LIMK1: variants seen among roughly 807,000 people sequenced by gnomAD.
The protein encoded by LIMK1 is LIM motif-containing protein kinase.
Under a neutral mutation model 77.6 loss-of-function variants are expected in LIMK1, and 21 were observed. That is an observed-to-expected ratio of 0.27 (90% CI 0.19 to 0.39). The LOEUF is 0.39. Ranked by LOEUF, LIMK1 falls within the 10% of genes least tolerant of loss-of-function variation. The pLI is 1.00. For missense variants in LIMK1, 696 were observed against 901.6 expected (o/e 0.77, Z 2.92); for synonymous variants, 358 against 370.0 (o/e 0.97, Z 0.37).
In LIMK1 at chr7:74,098,939, T is replaced by C. The variant is rs555430560; in HGVS notation, c.402-93T>C. 29 of 978,650 alleles carry C rather than the reference T, an allele frequency of 3.0e-5. No individual in the cohort carries two copies. In the African/African-American group the frequency reaches 3.7e-4, roughly 12 times the overall value. 60.6% of individuals were successfully genotyped at this position (978,650 alleles called of 1,614,324 possible). A position where few individuals can be genotyped will look rare whatever the true frequency, so the allele number is the denominator to read the frequency against. The stretch of plus-strand genomic sequence containing the variant: ...AAAAAAAAAAAAAAAAAGGAAGGGA[T>C]TGGGGGAAGAGCCTGGGGCTGGGGG... On this transcript the variant is annotated intron_variant, in intron 4 of 15. Coordinates refer to ENST00000336180, the MANE Select transcript of LIMK1 (RefSeq NM_002314.4).
rs782244961 is a variant in LIMK1 at position 74,107,852 on chromosome 7, C to T, written c.1066-19C>T. The T allele has an allele frequency of 3.9e-6, 6 of 1,553,546 alleles. No individual in the cohort carries two copies. The highest frequency in any genetic ancestry group is 5.2e-6 in the Non-Finnish European group (6 of 1,146,762). ...TACAGCAGAGCTTCTGTCTTCACAC[C>T]TCTGTGTCCCACACGCAGGTGACAC... is the stretch of plus-strand genomic sequence containing the variant. On this transcript the variant is annotated intron_variant, in intron 8 of 15. Transcript: ENST00000336180.
intron 2 of LIMK1, among the ~76,000 whole-genome samples, chr7:74,089,753 G>A (rs1554694520): frequency 6.6e-6 from 1 of 152,138 alleles, no homozygotes; most frequent in African/African-American, 2.4e-5. Context: ...GGGAGCCTGA[G>A]TCCAGTTGGA....
chr7:74,111,567 T>C (rs1799699228), intron 10 of LIMK1, 81 bp from the exon 11 acceptor site: 2 of 1,217,480 alleles, frequency 1.6e-6, no homozygotes, highest in East Asian at 5.0e-5. Context: ...CGCTTGCCTC[T>C]TCCTGCCTCT....
chr7:74,094,812 T>C (rs575931742), intron 2 of LIMK1, among the ~76,000 whole-genome samples: 2 of 151,184 alleles, frequency 1.3e-5, no homozygotes, highest in South Asian at 4.2e-4. Flanking sequence ...ACGTGGCGTC[T>C]CCTGCCGCCC....
At chr7:74,109,064 C>G (rs781936409) in intron 10 of LIMK1, 28 bp downstream of exon 10, 2 of 1,573,230 alleles carry the variant, frequency 1.3e-6, no homozygotes. Flanking sequence ...CCAGCCACCC[C>G]CGCTGTGCGG....
intron 2 of LIMK1, among the ~76,000 whole-genome samples, chr7:74,091,700 A>G (rs1799240148): frequency 6.6e-6 from 1 of 152,136 alleles, no homozygotes; most frequent in Admixed American, 6.6e-5. Flanking sequence ...CTAGTGGGCA[A>G]GACACTCAGT....
intron 13 of LIMK1, among the ~76,000 whole-genome samples, chr7:74,116,396 G>C (rs1479464931): frequency 6.6e-6 from 1 of 152,060 alleles, no homozygotes; most frequent in Non-Finnish European, 1.5e-5. Flanking sequence ...CCTGGGTGAC[G>C]AGCGAAACTC....
Position 74,085,828 on chromosome 7 carries a change from C to G in LIMK1, c.136C>G (p.His46Asp). 1 of 1,555,800 alleles carries G rather than the reference C, an allele frequency of 6.4e-7. No homozygotes were observed. Among genetic ancestry groups the G allele is most frequent in the Non-Finnish European group, 8.7e-7 (1 of 1,149,904 alleles). The change falls in exon 2 of 16, where the codon CAC (histidine) becomes GAC (aspartate). Residue 46 changes from histidine to aspartate, a missense_variant. His to Asp is a moderately conservative substitution (Grantham distance 81). This residue lies in a region of LIMK1 where 252 missense variants were observed against 279.4 expected (regional missense o/e 0.90). Transcript: ENST00000336180. ...CCTCCAGGCCCTGAACGCGGACTGG[C>G]ACGCAGACTGCTTCAGGTAGGGTGG... ...QYLQALNADWHADCFRCCDCS... is the reference protein window; with the variant it reads ...QYLQALNADWDADCFRCCDCS...
Position 74,092,760 on chromosome 7 carries a change from G to C in LIMK1, c.153-3862G>C, listed in dbSNP as rs189029470. Among the ~76,000 whole-genome samples the C allele has an allele frequency of 6.0e-3, 913 of 152,272 alleles. 5 individuals are homozygous for C. Among genetic ancestry groups the C allele is most frequent in the Non-Finnish European group, 9.1e-3 (619 of 68,006 alleles). On this transcript the variant is annotated intron_variant, in intron 2 of 15. Coordinates refer to ENST00000336180, the MANE Select transcript of LIMK1 (RefSeq NM_002314.4). ...TGGCCTGTGGGGTTGGAGCAGCGGCGGGATGCAACCTCCCTTTCTTCAGGG... is the reference window on the plus strand; with the variant it reads ...TGGCCTGTGGGGTTGGAGCAGCGGCCGGATGCAACCTCCCTTTCTTCAGGG...
intron 1 of LIMK1, among the ~76,000 whole-genome samples, chr7:74,084,944 C>CT (rs2115603655): frequency 6.6e-6 from 1 of 152,312 alleles, no homozygotes; most frequent in Admixed American, 6.5e-5. Flanking sequence ...TAGCCCCTGC[C>CT]TACCTAAGGT....
intron 6 of LIMK1, 24 bp downstream of exon 6, chr7:74,106,004 A>G (rs1554697412): frequency 1.2e-6 from 2 of 1,613,548 alleles, no homozygotes; most frequent in Admixed American, 3.3e-5. Context: ...TCTGTGGGGC[A>G]GGACGGGAGG....
At chr7:74,091,387 C>T (rs756122668) in intron 2 of LIMK1, among the ~76,000 whole-genome samples, 3 of 152,026 alleles carry the variant, frequency 2.0e-5, no homozygotes, top group Non-Finnish European at 4.4e-5. Flanking sequence ...CGTGGTGGTG[C>T]GTACCTGTAG....
rs781923687 is a variant in LIMK1, at chr7:74,098,999, A to T, written c.402-33A>T. ...TGCTGAAATTGATGACGCCCTTGACACTCTTTTCTTCCCACCCCGGCGGCT... is the reference window on the plus strand; with the variant it reads ...TGCTGAAATTGATGACGCCCTTGACTCTCTTTTCTTCCCACCCCGGCGGCT... On this transcript the variant is annotated intron_variant, in intron 4 of 15. Transcript: ENST00000336180. 2.6e-6 allele frequency: 4 copies of T among 1,564,600 alleles called. No individual in the cohort carries two copies. In the African/African-American group the frequency reaches 4.1e-5, roughly 16 times the overall value.
Position 74,088,577 on chromosome 7 carries a change from G to A in LIMK1, c.152+2733G>A, listed in dbSNP as rs140842929. ...GCACTTTGGGAGGCCGAGGCAGGCA[G>A]ATCACTTGACCCCAGGAGCTTGAGA... On this transcript the variant is annotated intron_variant, in intron 2 of 15. Transcript: ENST00000336180. Among the ~76,000 whole-genome samples the A allele has an allele frequency of 8.8e-3, 1,338 of 152,178 alleles. 18 individuals carry two copies. The highest frequency in any genetic ancestry group is 0.029 in the African/African-American group (1,199 of 41,518).
chr7:74,112,817 T>TCAC (rs1378457442), intron 12 of LIMK1, among the ~76,000 whole-genome samples: 1 of 148,118 alleles, frequency 6.8e-6, no homozygotes, highest in Non-Finnish European at 1.5e-5. Context: ...AGAGCGAGAC[T>TCAC]CCATCTCAAA....
chr7:74,099,655 A>G (rs1426179091), intron 5 of LIMK1, among the ~76,000 whole-genome samples: 1 of 152,066 alleles, frequency 6.6e-6, no homozygotes, highest in Admixed American at 6.6e-5. Flanking sequence ...ACTTGAACCC[A>G]GGAGGTGGAG....
chr7:74,120,333 C>G (rs1799904961), intron 13 of LIMK1, among the ~76,000 whole-genome samples: 1 of 152,244 alleles, frequency 6.6e-6, no homozygotes. Flanking sequence ...AGTCACGCAG[C>G]TGATCGGTGC....
At chr7:74,120,770 T>A in intron 14 of LIMK1, 122 bp from the exon 15 acceptor site, 2 of 1,535,162 alleles carry the variant, frequency 1.3e-6, no homozygotes, top group Non-Finnish European at 9.0e-7. Flanking sequence ...CTGGCCCCCA[T>A]GGGGTACTGC....
intron 2 of LIMK1, among the ~76,000 whole-genome samples, chr7:74,092,756 C>T (rs1368615252): frequency 1.3e-5 from 2 of 152,180 alleles, no homozygotes; most frequent in African/African-American, 2.4e-5. Flanking sequence ...GTTGGAGCAG[C>T]GGCGGGATGC....
Sources: allele counts gnomAD v4.1 joint callset (sites outside exome capture counted in the v4.1 genomes callset), GRCh38; gene constraint gnomAD v4.1.1; regional missense constraint gnomAD v4.1.1; transcripts MANE v1.5; gene names NCBI Gene and HGNC (gene_info 2026-07-23, HGNC 2026-07-21).